PTPRK: variants seen among roughly 807,000 people sequenced by gnomAD.
PTPRK encodes protein tyrosine phosphatase receptor type K.
PTPRK carries 75 observed loss-of-function variants against 178.0 expected under a neutral mutation model. That is an observed-to-expected ratio of 0.42 (90% CI 0.35 to 0.51). The LOEUF is 0.51. Among genes scored for constraint, PTPRK ranks in the 20% least tolerant of loss-of-function variants. The pLI, the probability that PTPRK is intolerant of heterozygous loss-of-function variation, is 0.02. For synonymous variants in PTPRK, 637 were observed against 620.6 expected (o/e 1.03, Z -0.39); for missense variants, 1,441 against 1,797.8 (o/e 0.80, Z 3.59).
intron 1 of PTPRK, among the ~76,000 whole-genome samples, chr6:128,435,102 A>AAGGAAGGAAGGAAGGC (rs1845397784): frequency 7.1e-5 from 5 of 70,390 alleles, no homozygotes; most frequent in South Asian, 5.5e-4. Flanking sequence ...GGAAGGAAGG[A>AAGGAAGGAAGGAAGGC]AGGAAGGCAG....
rs9388609 is a variant in PTPRK at position 127,979,005 on chromosome 6, C to T, written c.3712-1951G>A. 2.6e-3 allele frequency among the ~76,000 whole-genome samples: 395 copies of T among 151,828 alleles called. 6 individuals are homozygous for T. The East Asian group carries it at 0.056, about 21-fold the overall frequency. Reference sequence around the variant, plus strand: ...ACTATGAAATGTCTTTTTTTTGAATCACAGGGGATTAAGCAGACAGTAAGA... The same window carrying T: ...ACTATGAAATGTCTTTTTTTTGAATTACAGGGGATTAAGCAGACAGTAAGA... On this transcript the variant is annotated intron_variant, in intron 25 of 29. Transcript: ENST00000368226.
chr6:128,199,972 G>A (rs1253956978), intron 6 of PTPRK, among the ~76,000 whole-genome samples: 3 of 152,128 alleles, frequency 2.0e-5, no homozygotes, highest in Admixed American at 6.6e-5. Flanking sequence ...GAGCAGTGGA[G>A]TTCTACAGCC....
chr6:128,145,280 T>C (rs1796322589), intron 7 of PTPRK, among the ~76,000 whole-genome samples: 1 of 151,540 alleles, frequency 6.6e-6, no homozygotes, highest in Admixed American at 6.6e-5. Flanking sequence ...ACACACGTAA[T>C]AATAATAATA....
At chr6:128,514,477 C>T (rs1407390050) in intron 1 of PTPRK, among the ~76,000 whole-genome samples, 2 of 152,106 alleles carry the variant, frequency 1.3e-5, no homozygotes, top group East Asian at 1.9e-4. Flanking sequence ...CTCCACTACG[C>T]ACTATTTTAT....
chr6:128,171,864 C>T (rs1387650031), intron 7 of PTPRK, among the ~76,000 whole-genome samples: 2 of 151,886 alleles, frequency 1.3e-5, no homozygotes, highest in African/African-American at 4.8e-5. Flanking sequence ...TATATGTATA[C>T]ATGTTTCAGT....
At chr6:128,372,924 G>A (rs1308786189) in intron 2 of PTPRK, among the ~76,000 whole-genome samples, 7 of 151,804 alleles carry the variant, frequency 4.6e-5, no homozygotes. Flanking sequence ...TGATATACAT[G>A]AGTATGTGTG....
intron 3 of PTPRK, among the ~76,000 whole-genome samples, chr6:128,282,480 C>T (rs372902031): frequency 8.6e-5 from 13 of 152,038 alleles, no homozygotes; most frequent in Non-Finnish European, 1.5e-4. Flanking sequence ...GGCAAGATAA[C>T]GAAAACAAGC....
In PTPRK at chr6:127,990,104, C is replaced by G. The variant is rs1776433682; in HGVS notation, c.3096+665G>C. Among the ~76,000 whole-genome samples, 4 of 152,200 alleles carry G rather than the reference C, an allele frequency of 2.6e-5. No individual in the cohort carries two copies. The South Asian group carries it at 8.3e-4, about 32-fold the overall frequency. On this transcript the variant is annotated intron_variant, in intron 21 of 29. Transcript: ENST00000368226. Reference sequence around the variant, plus strand: ...ACCATGTTATCCCTGAGCTCACAAACCCTACAATGGCAGCCTAACTCAATT... The same window carrying G: ...ACCATGTTATCCCTGAGCTCACAAAGCCTACAATGGCAGCCTAACTCAATT...
chr6:128,470,202 T>C (rs948186321), intron 1 of PTPRK, among the ~76,000 whole-genome samples: 14 of 151,880 alleles, frequency 9.2e-5, no homozygotes, highest in Non-Finnish European at 2.1e-4. Context: ...GGGGAACTCA[T>C]GGTCTATTTC....
At chr6:127,979,957 T>A (rs1371502089) in intron 25 of PTPRK, among the ~76,000 whole-genome samples, 6 of 152,164 alleles carry the variant, frequency 3.9e-5, no homozygotes, top group Admixed American at 3.9e-4. Context: ...GGTGGGCGGA[T>A]CATGAGGTCA....
At chr6:128,460,360 C>T (rs536838005) in intron 1 of PTPRK, among the ~76,000 whole-genome samples, 1 of 151,936 alleles carries the variant, frequency 6.6e-6, no homozygotes, top group Non-Finnish European at 1.5e-5. Context: ...CCTAGCAACA[C>T]AGTGAGATCT....
intron 3 of PTPRK, among the ~76,000 whole-genome samples, chr6:128,299,200 A>G (rs920572398): frequency 6.6e-6 from 1 of 152,084 alleles, no homozygotes; most frequent in Non-Finnish European, 1.5e-5. Context: ...ACTACAAACC[A>G]CTGCTCAAGG....
At chr6:128,345,315 C>T (rs962093645) in intron 2 of PTPRK, among the ~76,000 whole-genome samples, 2 of 152,042 alleles carry the variant, frequency 1.3e-5, no homozygotes, top group African/African-American at 4.8e-5. Flanking sequence ...CAAAAAGATG[C>T]ACTTTTGTTC....
intron 1 of PTPRK, among the ~76,000 whole-genome samples, chr6:128,405,480 T>A (rs569750134): frequency 8.3e-4 from 126 of 152,320 alleles, no homozygotes; most frequent in Admixed American, 1.2e-3. Context: ...TTTCACTTAG[T>A]GTTAGATACA....
intron 1 of PTPRK, among the ~76,000 whole-genome samples, chr6:128,494,223 A>AGT (rs56663493): frequency 2.0e-5 from 3 of 148,156 alleles, no homozygotes; most frequent in African/African-American, 7.6e-5. Flanking sequence ...AAAAAAAAAA[A>AGT]GTGTAGTTAC....
intron 24 of PTPRK, among the ~76,000 whole-genome samples, chr6:127,981,634 G>A (rs1775349829): frequency 6.6e-6 from 1 of 152,118 alleles, no homozygotes; most frequent in Non-Finnish European, 1.5e-5. Flanking sequence ...GGTATCATTT[G>A]TAGTAACATC....
At chr6:128,127,138 G>T (rs1174884015) in intron 7 of PTPRK, among the ~76,000 whole-genome samples, 3 of 152,068 alleles carry the variant, frequency 2.0e-5, no homozygotes, top group African/African-American at 7.2e-5. Context: ...ATATTTCATT[G>T]ATCTATATGT....
At chr6:128,167,709 T>C (rs79796883) in intron 7 of PTPRK, among the ~76,000 whole-genome samples, 3,604 of 152,176 alleles carry the variant, frequency 0.024, 60 homozygotes, top group Non-Finnish European at 0.035. Context: ...TAGGGCAAGA[T>C]TGTAAAGTTG....
intron 2 of PTPRK, chr6:128,340,817 G>T: frequency 2.1e-6 from 1 of 468,494 alleles, no homozygotes; most frequent in South Asian, 1.7e-5. Context: ...TGATCATAAT[G>T]AAACATCATT....
Sources: gnomAD v4.1 joint callset for allele counts (sites outside exome capture counted in the v4.1 genomes callset) on GRCh38, gnomAD v4.1.1 for gene constraint, MANE v1.5 for transcripts, NCBI Gene and HGNC (gene_info 2026-07-23, HGNC 2026-07-21) for gene names.